APOO: variants seen among roughly 807,000 people sequenced by gnomAD.
The protein encoded by APOO is MICOS complex subunit MIC26.
Under a neutral mutation model 23.1 loss-of-function variants are expected in APOO, and 11 were observed. The observed-to-expected ratio is 0.48, with a 90% confidence interval of 0.30 to 0.79. The LOEUF is 0.79. Ranked by LOEUF, APOO falls within the 30% of genes least tolerant of loss-of-function variation. The pLI is 0.07. For synonymous variants in APOO, 59 were observed against 54.8 expected (o/e 1.08, Z -0.34); for missense variants, 160 against 142.7 (o/e 1.12, Z -0.62).
intron 5 of APOO, among the ~76,000 whole-genome samples, chrX:23,861,541 T>C (rs1262131708): frequency 3.6e-5 from 2 of 54,948 alleles, no homozygotes; most frequent in Non-Finnish European, 6.5e-5. Flanking sequence ...CATTGGGTGA[T>C]AAAGCAAGAT....
At chrX:23,839,173 C>T (rs1478672476) in intron 8 of APOO, among the ~76,000 whole-genome samples, 1 of 112,037 alleles carries the variant, frequency 8.9e-6, no homozygotes, top group Non-Finnish European at 1.9e-5. Context: ...TATCTGAGAA[C>T]ATACTGATGT....
chrX:23,863,437 T>C (rs1248619951), intron 5 of APOO, among the ~76,000 whole-genome samples: 1 of 110,158 alleles, frequency 9.1e-6, no homozygotes, highest in Admixed American at 9.7e-5. Context: ...AAAAAAAAAA[T>C]GTATCACCTG....
In APOO at chrX:23,905,418, T is replaced by C. The variant is rs186378759; in HGVS notation, c.9+2276A>G. Among the ~76,000 whole-genome samples the C allele has an allele frequency of 1.6e-4, 18 of 109,606 alleles. No homozygotes were observed. In the East Asian group the frequency reaches 3.7e-3, roughly 23 times the overall value. ...AAAATAATAATGATAACAATAATAA[T>C]AATAATAATAATCTCAGCTCACTAT... On this transcript the variant is annotated intron_variant, in intron 1 of 8. Transcript: ENST00000379226.
intron 1 of APOO, among the ~76,000 whole-genome samples, chrX:23,884,744 T>C (rs774114042): frequency 5.7e-4 from 63 of 111,320 alleles, no homozygotes; most frequent in African/African-American, 2.0e-3. Flanking sequence ...TTAACAACAA[T>C]GTATTGGATT....
At chrX:23,905,169 A>C (rs922084038) in intron 1 of APOO, among the ~76,000 whole-genome samples, 2 of 109,368 alleles carry the variant, frequency 1.8e-5, no homozygotes, top group African/African-American at 6.7e-5. Flanking sequence ...CGGGCGAATC[A>C]CGAGGTCAGG....
At chrX:23,879,070 T>G in intron 2 of APOO, 36 bp from the exon 3 acceptor site, 3 of 1,191,868 alleles carry the variant, frequency 2.5e-6, no homozygotes, top group East Asian at 3.0e-5. Context: ...ATTTAAAAGA[T>G]GTACTGTCTA....
intron 1 of APOO, chrX:23,883,233 C>T (rs1011196012): frequency 1.8e-5 from 2 of 111,219 alleles, no homozygotes; most frequent in Non-Finnish European, 3.8e-5. Context: ...GCCCAAATAT[C>T]GTATTTCCCA....
chrX:23,841,193 G>T (rs963505904), intron 7 of APOO, among the ~76,000 whole-genome samples: 4 of 111,261 alleles, frequency 3.6e-5, no homozygotes, highest in African/African-American at 1.3e-4. Context: ...CATGGATGAA[G>T]GAAGAGGAAA....
chrX:23,849,344 G>A (rs1167525399), intron 7 of APOO, among the ~76,000 whole-genome samples: 1 of 108,634 alleles, frequency 9.2e-6, no homozygotes, highest in East Asian at 2.9e-4. Flanking sequence ...ATGTGCCTAC[G>A]TGGATCTAGA....
intron 8 of APOO, among the ~76,000 whole-genome samples, chrX:23,839,410 C>T (rs1923867434): frequency 9.0e-6 from 1 of 111,094 alleles, no homozygotes; most frequent in Middle Eastern, 4.7e-3. Flanking sequence ...GGCCAGATAA[C>T]CACTCTCAAA....
Position 23,874,547 on chromosome X carries a change from TA to T in APOO, c.238-91del, listed in dbSNP as rs1166370691. Reference sequence around the variant, plus strand: ...AATAAATATACTTGTTTTTACTGAATAAATTATCATGTTATTAACGCTTTTT... The same window carrying T: ...AATAAATATACTTGTTTTTACTGAATAATTATCATGTTATTAACGCTTTTT... On this transcript the variant is annotated intron_variant, in intron 3 of 8. Coordinates refer to ENST00000379226, the MANE Select transcript of APOO (RefSeq NM_024122.5). 6.5e-6 allele frequency: 5 copies of T among 774,409 alleles called. No homozygotes were observed. In the Admixed American group the frequency reaches 1.2e-4, roughly 18 times the overall value. 63.8% of individuals were successfully genotyped at this position (774,409 alleles called of 1,213,427 possible).
At chrX:23,882,805 T>A (rs1218156989) in intron 1 of APOO, among the ~76,000 whole-genome samples, 2 of 110,761 alleles carry the variant, frequency 1.8e-5, no homozygotes, top group Non-Finnish European at 3.8e-5. Flanking sequence ...CACCACCATG[T>A]CCAGCTCATT....
intron 2 of APOO, 66 bp downstream of exon 2, chrX:23,880,779 A>G (rs1310309446): frequency 1.6e-6 from 1 of 613,161 alleles, no homozygotes; most frequent in Non-Finnish European, 2.3e-6. Flanking sequence ...TACAATTTGT[A>G]AAAAATTATC....
chrX:23,846,531 A>C (rs777545534), intron 7 of APOO, among the ~76,000 whole-genome samples: 45 of 105,099 alleles, frequency 4.3e-4, no homozygotes, highest in African/African-American at 1.5e-3. Flanking sequence ...CTGAGGTAGG[A>C]GAATTGCTTG....
rs527573125 is a variant in APOO, at chrX:23,887,300, CT to C, written c.10-6349del. Among the ~76,000 whole-genome samples, 11 of 80,601 alleles carry C rather than the reference CT, an allele frequency of 1.4e-4. No individual in the cohort carries two copies. In the South Asian group the frequency reaches 9.5e-3, roughly 70 times the overall value. 70.0% of individuals were successfully genotyped at this position (80,601 alleles called of 115,157 possible). Reference sequence around the variant, plus strand: ...CCAGGCTGGAGTGCAGTGGCATGATCTTGGCTCACTGCAACCTCCGCCTCCT... The same window carrying C: ...CCAGGCTGGAGTGCAGTGGCATGATCTGGCTCACTGCAACCTCCGCCTCCT... On this transcript the variant is annotated intron_variant, in intron 1 of 8. Coordinates refer to ENST00000379226, the MANE Select transcript of APOO (RefSeq NM_024122.5).
At chrX:23,846,266 G>A (rs1382120995) in intron 7 of APOO, among the ~76,000 whole-genome samples, 1 of 95,314 alleles carries the variant, frequency 1.0e-5, no homozygotes, top group Non-Finnish European at 2.0e-5. Flanking sequence ...AACCAAGATG[G>A]CACCATTACA....
At chrX:23,842,639 A>G (rs764474191) in intron 7 of APOO, among the ~76,000 whole-genome samples, 1 of 111,967 alleles carries the variant, frequency 8.9e-6, no homozygotes, top group African/African-American at 3.2e-5. Flanking sequence ...ACTAATGAAG[A>G]ACAAGAAGAG....
chrX:23,865,110 G>A (rs1247181905), intron 5 of APOO, among the ~76,000 whole-genome samples: 1 of 111,548 alleles, frequency 9.0e-6, no homozygotes, highest in African/African-American at 3.3e-5. Flanking sequence ...GGGGCGGGGG[G>A]AACCACTGGT....
chrX:23,884,078 CAG>C (rs758923526), intron 1 of APOO: 14 of 110,765 alleles, frequency 1.3e-4, no homozygotes, highest in Non-Finnish European at 2.7e-4. Context: ...AGCAGAGTGA[CAG>C]AGAGATGAGT....
Sources: gnomAD v4.1 joint callset for allele counts (sites outside exome capture counted in the v4.1 genomes callset) on GRCh38, gnomAD v4.1.1 for gene constraint, MANE v1.5 for transcripts, NCBI Gene and HGNC (gene_info 2026-07-23, HGNC 2026-07-21) for gene names.